Variants in CCSER1 observed in about 807,000 individuals in gnomAD.
CCSER1 encodes the protein coiled-coil serine rich protein 1, also known as serine-rich coiled-coil domain-containing protein 1.
CCSER1 carries 41 observed loss-of-function variants against 82.0 expected under a neutral mutation model. The ratio of observed to expected loss-of-function variants is 0.50; its 90% CI spans 0.39 to 0.65. The LOEUF (loss-of-function observed/expected upper bound fraction) is 0.65, where lower values mean the gene tolerates loss of function less well. CCSER1 is among the 30% of genes least tolerant of loss of function. The pLI, the probability that CCSER1 is intolerant of heterozygous loss-of-function variation, is 0.00. For missense variants in CCSER1, 1,119 were observed against 1,064.2 expected, an observed-to-expected ratio of 1.05 and a Z score of -0.72; for synonymous variants, 414 against 383.9, an observed-to-expected ratio of 1.08 and a Z score of -0.92.
At chr4:91,217,150 C>A (rs1737310655) in intron 10 of CCSER1, among the ~76,000 whole-genome samples, 1 of 152,204 alleles carries the variant, frequency 6.6e-6, no homozygotes, top group African/African-American at 2.4e-5. Context: ...AGTGTTACAG[C>A]TCTTAAAAGC....
At chr4:90,608,921 T>C (rs1579445528) in intron 5 of CCSER1, among the ~76,000 whole-genome samples, 1 of 152,148 alleles carries the variant, frequency 6.6e-6, no homozygotes, top group South Asian at 2.1e-4. Flanking sequence ...TATTTCTCTA[T>C]ACATAAATCT....
intron 9 of CCSER1, among the ~76,000 whole-genome samples, chr4:90,946,114 T>C (rs76210852): frequency 0.047 from 7,099 of 152,218 alleles, 538 homozygotes; most frequent in African/African-American, 0.16. Flanking sequence ...ATTTTTATAA[T>C]TACAATTAAG....
chr4:91,479,299 G>GAAAAGTTAAAGCTTCTGTACATTAAAA (rs1757760868), intron 10 of CCSER1, among the ~76,000 whole-genome samples: 1 of 151,526 alleles, frequency 6.6e-6, no homozygotes, highest in Non-Finnish European at 1.5e-5. Context: ...TGGATTCCGT[G>GAAAAGTTAAAGCTTCTGTACATTAAAA]AAAAGTTAAA....
At chr4:91,578,914 G>T (rs1189235363) in intron 10 of CCSER1, among the ~76,000 whole-genome samples, 1 of 151,676 alleles carries the variant, frequency 6.6e-6, no homozygotes, top group Non-Finnish European at 1.5e-5. Context: ...ATGTCTATTT[G>T]TCTATTCATC....
At chr4:90,237,366 T>C (rs1745993219) in intron 1 of CCSER1, among the ~76,000 whole-genome samples, 1 of 152,180 alleles carries the variant, frequency 6.6e-6, no homozygotes, top group African/African-American at 2.4e-5. Flanking sequence ...AAGAACTTTC[T>C]GTGCTGTGCT....
chr4:90,349,753 GTAAC>G (rs1435887291), intron 3 of CCSER1, among the ~76,000 whole-genome samples: 1 of 152,048 alleles, frequency 6.6e-6, no homozygotes, highest in Non-Finnish European at 1.5e-5. Flanking sequence ...AGTTACAACA[GTAAC>G]TAATTTTCAT....
intron 10 of CCSER1, among the ~76,000 whole-genome samples, chr4:91,259,066 A>G (rs577076883): frequency 1.3e-5 from 2 of 152,250 alleles, no homozygotes; most frequent in African/African-American, 4.8e-5. Context: ...AGAGATTTGG[A>G]AAAATAAAGA....
intron 10 of CCSER1, among the ~76,000 whole-genome samples, chr4:91,237,153 C>G (rs1445290204): frequency 1.3e-5 from 2 of 151,960 alleles, no homozygotes; most frequent in Non-Finnish European, 2.9e-5. Context: ...GCAATAAAAT[C>G]AATGAATATT....
At chr4:91,575,036 A>G (rs889749256) in intron 10 of CCSER1, among the ~76,000 whole-genome samples, 2 of 152,050 alleles carry the variant, frequency 1.3e-5, no homozygotes, top group Middle Eastern at 3.2e-3. Context: ...ATGAAAGAGA[A>G]TAGAAATCCC....
Position 90,308,848 on chromosome 4 carries a change from CTA to C in CCSER1, c.567_568del (p.Tyr189Ter), listed in dbSNP as rs766030400. On this transcript the variant is annotated frameshift_variant, in exon 2 of 11. Coordinates refer to ENST00000509176, the MANE Select transcript of CCSER1 (RefSeq NM_001145065.2). LOFTEE classifies it high-confidence loss of function. Reference sequence around the variant, plus strand: ...TACTCCCTAAATCTTTTTCATCTCACTATAAATTTTCTAAGCCAGTTCTACAG... The same window carrying C: ...TACTCCCTAAATCTTTTTCATCTCACTAAATTTTCTAAGCCAGTTCTACAG... ...KLLPKSFSSH[Y>X]KFSKPVLQSQ... 6.2e-7 allele frequency: 1 copy of C among 1,613,816 alleles called. No individual in the cohort carries two copies.
intron 8 of CCSER1, among the ~76,000 whole-genome samples, chr4:90,830,163 C>T (rs974493968): frequency 2.6e-5 from 4 of 152,132 alleles, no homozygotes; most frequent in Admixed American, 6.6e-5. Context: ...CTGCTCCGCT[C>T]ATGCTTAACT....
chr4:90,911,061 C>T (rs1726262301), intron 8 of CCSER1, among the ~76,000 whole-genome samples: 1 of 152,152 alleles, frequency 6.6e-6, no homozygotes, highest in Non-Finnish European at 1.5e-5. Flanking sequence ...TTTCTTTGGA[C>T]TTCCTGGCAT....
chr4:91,293,134 T>G (rs1323534560), intron 10 of CCSER1, among the ~76,000 whole-genome samples: 1 of 151,942 alleles, frequency 6.6e-6, no homozygotes, highest in Non-Finnish European at 1.5e-5. Flanking sequence ...ACAAAAAAAA[T>G]GCACTGAGAT....
chr4:90,415,365 T>G (rs1480885971), intron 4 of CCSER1, among the ~76,000 whole-genome samples: 1 of 152,216 alleles, frequency 6.6e-6, no homozygotes, highest in African/African-American at 2.4e-5. Flanking sequence ...TGGAGCCTTA[T>G]AAGGAACGTA....
At chr4:91,346,988 G>T (rs957890473) in intron 10 of CCSER1, among the ~76,000 whole-genome samples, 1 of 150,926 alleles carries the variant, frequency 6.6e-6, no homozygotes, top group African/African-American at 2.5e-5. Flanking sequence ...GTTTTAATGA[G>T]CTTCAACTTA....
chr4:91,250,139 A>G (rs1218762586), intron 10 of CCSER1, among the ~76,000 whole-genome samples: 1 of 152,074 alleles, frequency 6.6e-6, no homozygotes, highest in Non-Finnish European at 1.5e-5. Context: ...GACTTATGTG[A>G]TAGAATAAGT....
At chr4:91,014,136 T>C (rs1464740119) in intron 9 of CCSER1, among the ~76,000 whole-genome samples, 2 of 125,980 alleles carry the variant, frequency 1.6e-5, no homozygotes, top group Non-Finnish European at 3.7e-5. Context: ...TAGCGGGATT[T>C]TACTTTATTT....
intron 10 of CCSER1, among the ~76,000 whole-genome samples, chr4:91,201,408 C>A (rs1391567781): frequency 1.1e-4 from 17 of 152,044 alleles, no homozygotes; most frequent in Non-Finnish European, 4.4e-5. Context: ...TTCATGTTAA[C>A]ATGCTGAAGT....
At chr4:90,787,178 C>G (rs1202088770) in intron 7 of CCSER1, among the ~76,000 whole-genome samples, 2 of 152,112 alleles carry the variant, frequency 1.3e-5, no homozygotes, top group Non-Finnish European at 2.9e-5. Flanking sequence ...GGAAGCATTC[C>G]TTCCTCCAGG....
Sources: gnomAD v4.1 joint callset for allele counts (sites outside exome capture counted in the v4.1 genomes callset) on GRCh38, gnomAD v4.1.1 for gene constraint, MANE v1.5 for transcripts, NCBI Gene and HGNC (gene_info 2026-07-23, HGNC 2026-07-21) for gene names.